The following UBE2G1 variants were observed in gnomAD, a reference collection of about 807,000 sequenced individuals.
The protein encoded by UBE2G1 is ubiquitin conjugating enzyme E2 G1.
In UBE2G1, 5 loss-of-function variants were observed where a neutral mutation model predicts 22.7. That is an observed-to-expected ratio of 0.22 (90% CI 0.12 to 0.46). The LOEUF is 0.46. UBE2G1 is among the 20% of genes least tolerant of loss of function. The pLI is 0.99. For synonymous variants in UBE2G1, 74 were observed against 67.5 expected (o/e 1.10, Z -0.47); for missense variants, 88 against 203.9 (o/e 0.43, Z 3.46).
At chr17:4,274,299 G>A (rs975116680) in intron 5 of UBE2G1, among the ~76,000 whole-genome samples, 2 of 150,820 alleles carry the variant, frequency 1.3e-5, no homozygotes, top group Admixed American at 1.3e-4. Flanking sequence ...CCGGGTTCGC[G>A]CCATTCTCCT....
intron 1 of UBE2G1, among the ~76,000 whole-genome samples, chr17:4,363,141 C>G (rs984214125): frequency 2.0e-5 from 3 of 152,060 alleles, no homozygotes; most frequent in Non-Finnish European, 4.4e-5. Context: ...TAAAACAAGG[C>G]TTTTATTTCA....
chr17:4,274,261 G>C (rs576424717), intron 5 of UBE2G1, among the ~76,000 whole-genome samples: 17 of 146,310 alleles, frequency 1.2e-4, no homozygotes, highest in African/African-American at 4.1e-4. Flanking sequence ...GCAGTGGCGC[G>C]ATCTCGGCTC....
intron 5 of UBE2G1, among the ~76,000 whole-genome samples, chr17:4,274,017 G>A (rs1968791206): frequency 1.3e-5 from 2 of 151,616 alleles, no homozygotes. Flanking sequence ...ACGGAGTCTT[G>A]CTCTGTCACC....
chr17:4,279,767 TC>T (rs1328545386), intron 5 of UBE2G1, among the ~76,000 whole-genome samples: 6 of 105,576 alleles, frequency 5.7e-5, no homozygotes, highest in Non-Finnish European at 1.2e-4. Context: ...ACAGCGAAAC[TC>T]TGCCCCCAAA....
In UBE2G1 at chr17:4,269,791, C is replaced by G. The variant is rs905487546; in HGVS notation, c.*2763G>C. The G allele has an allele frequency of 5.4e-6, 1 of 185,514 alleles. No homozygotes were observed. The highest frequency in any genetic ancestry group is 2.4e-5 in the African/African-American group (1 of 41,524). 11.5% of individuals were successfully genotyped at this position (185,514 alleles called of 1,614,324 possible). On this transcript the variant is annotated 3_prime_UTR_variant, in exon 6 of 6. Coordinates refer to ENST00000396981, the MANE Select transcript of UBE2G1 (RefSeq NM_003342.5). ...AGGAAACAGCCAACAGTTCTACAAT[C>G]CATAAGATCTATGGAGATGTTGTTG... is the stretch of plus-strand genomic sequence containing the variant.
chr17:4,355,052 A>G (rs927938937), intron 1 of UBE2G1, among the ~76,000 whole-genome samples: 5 of 152,048 alleles, frequency 3.3e-5, no homozygotes, highest in African/African-American at 1.2e-4. Context: ...TGATGTTGCC[A>G]CTGCACTCTA....
chr17:4,289,811 G>A (rs563846935), intron 3 of UBE2G1, among the ~76,000 whole-genome samples: 2 of 152,114 alleles, frequency 1.3e-5, no homozygotes, highest in Non-Finnish European at 2.9e-5. Context: ...TGGCCTCCTA[G>A]TTTCCCCACT....
chr17:4,330,640 G>A (rs1036003011), intron 1 of UBE2G1, among the ~76,000 whole-genome samples: 1 of 152,046 alleles, frequency 6.6e-6, no homozygotes, highest in African/African-American at 2.4e-5. Context: ...GGGAGGCTGA[G>A]GCAGGAGAAT....
chr17:4,289,247 C>A lies in UBE2G1; in HGVS notation c.409G>T (p.Ala137Ser). 6.4e-7 allele frequency: 1 copy of A among 1,564,858 alleles called. No individual in the cohort carries two copies. The highest frequency in any genetic ancestry group is 8.7e-7 in the Non-Finnish European group (1 of 1,155,370). ...CACCTTACCGCAGCATCAACATTAG[C>A]AGGTGAGTCTCCATTAGGGTCTGCC... ...MLADPNGDSPANVDAAKEWRE... is the reference protein window; with the variant it reads ...MLADPNGDSPSNVDAAKEWRE... The change falls in exon 4 of 6, where the codon GCT (alanine) becomes TCT (serine). Residue 137 changes from alanine to serine, a missense_variant. This residue lies in a region of UBE2G1 where 38 missense variants were observed against 132.9 expected (regional missense o/e 0.29). Coordinates refer to ENST00000396981, the MANE Select transcript of UBE2G1 (RefSeq NM_003342.5).
intron 2 of UBE2G1, chr17:4,301,408 G>T: frequency 1.6e-6 from 1 of 634,506 alleles, no homozygotes; most frequent in South Asian, 1.4e-5. Flanking sequence ...CCAGTCACCT[G>T]GCTATGACTT....
At chr17:4,362,931 T>G (rs1300140045) in intron 1 of UBE2G1, among the ~76,000 whole-genome samples, 3 of 152,128 alleles carry the variant, frequency 2.0e-5, no homozygotes, top group Non-Finnish European at 2.9e-5. Flanking sequence ...GAGACCAGCC[T>G]GGCCAACATG....
intron 1 of UBE2G1, among the ~76,000 whole-genome samples, chr17:4,355,198 C>T (rs529402524): frequency 5.9e-5 from 9 of 151,798 alleles, no homozygotes; most frequent in South Asian, 2.1e-4. Flanking sequence ...AATGGGGTTT[C>T]ACCATGTTGG....
intron 2 of UBE2G1, among the ~76,000 whole-genome samples, chr17:4,300,437 G>A (rs182061752): frequency 1.3e-5 from 2 of 152,122 alleles, no homozygotes; most frequent in Admixed American, 6.5e-5. Flanking sequence ...CATCTACTCA[G>A]GAGGCTGAAG....
chr17:4,337,270 G>T (rs1227444810), intron 1 of UBE2G1, among the ~76,000 whole-genome samples: 2 of 149,020 alleles, frequency 1.3e-5, no homozygotes, highest in Non-Finnish European at 3.0e-5. Context: ...GAGCCCAGGA[G>T]GTCAAGGATG....
At chr17:4,281,143 T>C (rs1186679591) in intron 5 of UBE2G1, among the ~76,000 whole-genome samples, 1 of 152,102 alleles carries the variant, frequency 6.6e-6, no homozygotes. Flanking sequence ...CAAACACCCC[T>C]ACACCAATTC....
intron 1 of UBE2G1, among the ~76,000 whole-genome samples, chr17:4,315,149 G>GA (rs1969351230): frequency 6.6e-6 from 1 of 152,142 alleles, no homozygotes; most frequent in African/African-American, 2.4e-5. Flanking sequence ...TCATTAGGGA[G>GA]AGGGCTAAGA....
At chr17:4,313,617 G>A (rs952510246) in intron 1 of UBE2G1, among the ~76,000 whole-genome samples, 4 of 151,862 alleles carry the variant, frequency 2.6e-5, no homozygotes, top group African/African-American at 9.7e-5. Flanking sequence ...AAATCAGGAC[G>A]ATAGTATTTC....
chr17:4,353,106 T>C (rs1301571887), intron 1 of UBE2G1, among the ~76,000 whole-genome samples: 2 of 152,052 alleles, frequency 1.3e-5, no homozygotes, highest in African/African-American at 4.8e-5. Context: ...TAGTCCCACG[T>C]ACCCAGGAGG....
chr17:4,357,041 T>C (rs1969913415), intron 1 of UBE2G1, among the ~76,000 whole-genome samples: 1 of 152,114 alleles, frequency 6.6e-6, no homozygotes, highest in African/African-American at 2.4e-5. Context: ...AGTGGTGCAA[T>C]CCATATACTT....
Sources: gnomAD v4.1 joint callset for allele counts (sites outside exome capture counted in the v4.1 genomes callset) on GRCh38, gnomAD v4.1.1 for gene constraint, gnomAD v4.1.1 regional missense constraint, MANE v1.5 for transcripts, NCBI Gene and HGNC (gene_info 2026-07-23, HGNC 2026-07-21) for gene names.